The following TRIM2 variants were observed in gnomAD, a reference collection of about 807,000 sequenced individuals.
The protein encoded by TRIM2 is tripartite motif containing 2.
Under a neutral mutation model 75.2 loss-of-function variants are expected in TRIM2, and 20 were observed. The ratio of observed to expected loss-of-function variants is 0.27; its 90% CI spans 0.19 to 0.39. TRIM2 has a LOEUF of 0.39. Ranked by LOEUF, TRIM2 falls within the 10% of genes least tolerant of loss-of-function variation. The pLI, the probability that TRIM2 is intolerant of heterozygous loss-of-function variation, is 1.00. For missense variants in TRIM2, 660 were observed against 990.8 expected (o/e 0.67, Z 4.48); for synonymous variants, 373 against 388.3 (o/e 0.96, Z 0.46).
Position 153,264,468 on chromosome 4 carries a change from A to G in TRIM2, c.31-5867A>G, listed in dbSNP as rs180981208. On this transcript the variant is annotated intron_variant, in intron 1 of 11. Coordinates refer to ENST00000338700, the MANE Select transcript of TRIM2 (RefSeq NM_015271.5). ...CCAGCATATAGAAGAGCAGTTCTAT[A>G]TTCTGATTTCTTTCATTATAGTGCA... is the stretch of plus-strand genomic sequence containing the variant. Among the ~76,000 whole-genome samples the G allele has an allele frequency of 4.0e-4, 61 of 152,338 alleles. No individual in the cohort carries two copies. In the East Asian group the frequency reaches 0.011, roughly 28 times the overall value.
chr4:153,255,701 G>C (rs555133982), intron 1 of TRIM2, among the ~76,000 whole-genome samples: 2 of 152,360 alleles, frequency 1.3e-5, no homozygotes, highest in South Asian at 4.1e-4. Context: ...AAACAACCCA[G>C]TGTCCATCGA....
At position 153,295,162 on chromosome 4, in the gene TRIM2, A is replaced by G. The variant is rs911686055; in HGVS notation, c.787-151A>G. On this transcript the variant is annotated intron_variant, in intron 5 of 11. Coordinates refer to ENST00000338700, the MANE Select transcript of TRIM2 (RefSeq NM_015271.5). This position sits in a 1 kb window ranked among gnomAD's most constrained non-coding sequence, Gnocchi z 7.2. ...GGAATGCAGTTTAGGACTTTGCGTT[A>G]GCACTGGGTTCCCTGGGTTGACAAA... The G allele has an allele frequency of 1.9e-6, 2 of 1,075,086 alleles. No homozygotes were observed. The highest frequency in any genetic ancestry group is 2.6e-6 in the Non-Finnish European group (2 of 777,478). 66.6% of individuals were successfully genotyped at this position (1,075,086 alleles called of 1,614,324 possible). A position where few individuals can be genotyped will look rare whatever the true frequency, so the allele number is the denominator to read the frequency against.
chr4:153,235,379 A>G (rs969577202), intron 1 of TRIM2, among the ~76,000 whole-genome samples: 1 of 151,452 alleles, frequency 6.6e-6, no homozygotes, highest in Non-Finnish European at 1.5e-5. Context: ...TGACCTCCCG[A>G]GCTCAAGGAA....
chr4:153,212,194 A>G (rs1417153639), intron 1 of TRIM2, among the ~76,000 whole-genome samples: 1 of 152,198 alleles, frequency 6.6e-6, no homozygotes, highest in Non-Finnish European at 1.5e-5. Context: ...ACACCATGGA[A>G]TACTACTCAG....
At chr4:153,285,857 G>T (rs980720512) in intron 3 of TRIM2, among the ~76,000 whole-genome samples, 3 of 151,768 alleles carry the variant, frequency 2.0e-5, no homozygotes, top group Non-Finnish European at 4.4e-5. Context: ...TTCCAATTTG[G>T]ATGCATTTTA....
At position 153,337,869 on chromosome 4, in the gene TRIM2, C is replaced by G; in HGVS notation, c.*2903C>G. 3.0e-6 allele frequency: 3 copies of G among 985,810 alleles called. No individual in the cohort carries two copies. The highest frequency in any genetic ancestry group is 3.6e-6 in the Non-Finnish European group (3 of 829,924). The allele number at this position is 985,810 out of a possible 1,614,324, so 61.1% of individuals were successfully genotyped here. A position where few individuals can be genotyped will look rare whatever the true frequency, so the allele number is the denominator to read the frequency against. Reference sequence around the variant, plus strand: ...ATATTGCCGGTTGGGATTTCAAGGTCAGTGACGACGCATTTCCTCCCAGTA... The same window carrying G: ...ATATTGCCGGTTGGGATTTCAAGGTGAGTGACGACGCATTTCCTCCCAGTA... On this transcript the variant is annotated 3_prime_UTR_variant, in exon 12 of 12. Coordinates refer to ENST00000338700, the MANE Select transcript of TRIM2 (RefSeq NM_015271.5).
At chr4:153,217,558 A>G (rs1738821449) in intron 1 of TRIM2, among the ~76,000 whole-genome samples, 1 of 152,184 alleles carries the variant, frequency 6.6e-6, no homozygotes, top group African/African-American at 2.4e-5. Flanking sequence ...CTTAAAAAAG[A>G]GAGTCATAGT....
intron 1 of TRIM2, among the ~76,000 whole-genome samples, chr4:153,232,107 A>G (rs936661568): frequency 1.3e-5 from 2 of 152,230 alleles, no homozygotes; most frequent in Non-Finnish European, 2.9e-5. Context: ...AGGATAAAAG[A>G]TACTCAACTT....
chr4:153,199,564 C>T (rs1332369263), upstream of TRIM2, among the ~76,000 whole-genome samples: 1 of 151,716 alleles, frequency 6.6e-6, no homozygotes, highest in Non-Finnish European at 1.5e-5. Flanking sequence ...TAAAATGCTT[C>T]TTAATAAATC....
At chr4:153,318,768 C>G (rs1292903228) in intron 8 of TRIM2, among the ~76,000 whole-genome samples, 1 of 152,170 alleles carries the variant, frequency 6.6e-6, no homozygotes, top group Non-Finnish European at 1.5e-5. Flanking sequence ...GGAAGAAGGG[C>G]TCTCTAAGCA....
intron 1 of TRIM2, among the ~76,000 whole-genome samples, chr4:153,183,341 G>C (rs1732267438): frequency 6.6e-6 from 1 of 152,212 alleles, no homozygotes; most frequent in African/African-American, 2.4e-5. Flanking sequence ...AATGATAAAT[G>C]TTCCTTGAAG....
intron 1 of TRIM2, among the ~76,000 whole-genome samples, chr4:153,267,212 C>T (rs183873618): frequency 2.8e-4 from 43 of 152,220 alleles, no homozygotes; most frequent in African/African-American, 9.9e-4. Flanking sequence ...AACCAAGCTT[C>T]TGTAGTGCAG....
chr4:153,243,908 T>A (rs2149858500), intron 1 of TRIM2, among the ~76,000 whole-genome samples: 1 of 141,188 alleles, frequency 7.1e-6, no homozygotes, highest in African/African-American at 2.6e-5. Context: ...AGCCTCAACC[T>A]CCCGGGCTCA....
intron 1 of TRIM2, among the ~76,000 whole-genome samples, chr4:153,171,457 G>T (rs964167490): frequency 1.3e-5 from 2 of 152,046 alleles, no homozygotes; most frequent in Admixed American, 1.3e-4. Flanking sequence ...ATGGTGGCGG[G>T]TGCCTGTAAT....
At chr4:153,187,648 A>G (rs1440775999) in intron 1 of TRIM2, among the ~76,000 whole-genome samples, 1 of 152,214 alleles carries the variant, frequency 6.6e-6, no homozygotes, top group Non-Finnish European at 1.5e-5. Flanking sequence ...CTGAGGGTCC[A>G]GTGAGGAGCC....
rs1748400690 is a variant in TRIM2, at chr4:153,244,421, TTCTTC to T, written c.31-25912_31-25908del. 1.6e-3 allele frequency among the ~76,000 whole-genome samples: 146 copies of T among 89,170 alleles called. 7 individuals carry two copies. Among genetic ancestry groups the T allele is most frequent in the Non-Finnish European group, 2.4e-3 (101 of 42,710 alleles). The allele number at this position is 89,170 out of a possible 152,430, so 58.5% of individuals were successfully genotyped here. On this transcript the variant is annotated intron_variant, in intron 1 of 11. Coordinates refer to ENST00000338700, the MANE Select transcript of TRIM2 (RefSeq NM_015271.5). ...CTTCTTCTTCTTCTTCTTCTTCTTC[TTCTTC>T]TTCTTCTTCTTTTAATTAGAGAGGA...
chr4:153,294,943 C>A (rs1268131954), intron 5 of TRIM2, among the ~76,000 whole-genome samples: 1 of 152,046 alleles, frequency 6.6e-6, no homozygotes, highest in African/African-American at 2.4e-5. Context: ...CTTCCTGTTC[C>A]TTTAGGTGGT....
intron 3 of TRIM2, among the ~76,000 whole-genome samples, chr4:153,280,751 C>A (rs1335561083): frequency 1.3e-5 from 2 of 151,692 alleles, no homozygotes; most frequent in Non-Finnish European, 2.9e-5. Context: ...GCGGCACGAT[C>A]TTGGCTGACT....
intron 1 of TRIM2, among the ~76,000 whole-genome samples, chr4:153,205,154 T>TA (rs1735043122): frequency 1.3e-5 from 2 of 152,068 alleles, no homozygotes; most frequent in African/African-American, 4.8e-5. Flanking sequence ...AATGAAGAAA[T>TA]AGCCCCAGGT....
Sources: allele counts gnomAD v4.1 joint callset (sites outside exome capture counted in the v4.1 genomes callset), GRCh38; gene constraint gnomAD v4.1.1; non-coding constraint Gnocchi (gnomAD v3.1); transcripts MANE v1.5; gene names NCBI Gene and HGNC (gene_info 2026-07-23, HGNC 2026-07-21).